The following RAB27B variants were observed in gnomAD, a reference collection of about 807,000 sequenced individuals.
RAB27B encodes the protein RAB27B, member RAS oncogene family, also known as ras-related protein Rab-27B.
In RAB27B, 15 loss-of-function variants were observed where a neutral mutation model predicts 24.6. The ratio of observed to expected loss-of-function variants is 0.61; its 90% CI spans 0.41 to 0.94. The LOEUF (loss-of-function observed/expected upper bound fraction) is 0.94, where lower values mean the gene tolerates loss of function less well. RAB27B is among the 40% of genes least tolerant of loss of function. The pLI is 0.00. For synonymous variants in RAB27B, 105 were observed against 92.5 expected (o/e 1.14, Z -0.78); for missense variants, 261 against 266.8 (o/e 0.98, Z 0.15).
chr18:54,822,347 AAT>A (rs1424278911), intron 2 of RAB27B, among the ~76,000 whole-genome samples: 6 of 152,246 alleles, frequency 3.9e-5, no homozygotes, highest in African/African-American at 1.4e-4. Context: ...ATCATTCCTG[AAT>A]ATATGACATC....
chr18:54,802,749 G>T (rs1257464959), intron 2 of RAB27B, among the ~76,000 whole-genome samples: 1 of 152,158 alleles, frequency 6.6e-6, no homozygotes, highest in Non-Finnish European at 1.5e-5. Flanking sequence ...TGGCTAGAAT[G>T]GGGGACATTG....
At chr18:54,831,530 A>C (rs910524550) in intron 1 of RAB27B, among the ~76,000 whole-genome samples, 15 of 152,198 alleles carry the variant, frequency 9.9e-5, no homozygotes, top group African/African-American at 3.4e-4. Flanking sequence ...TGAGCATACT[A>C]TGAACTTTAA....
intron 4 of RAB27B, among the ~76,000 whole-genome samples, chr18:54,885,608 A>G (rs1359432661): frequency 6.6e-6 from 1 of 151,846 alleles, no homozygotes; most frequent in Non-Finnish European, 1.5e-5. Flanking sequence ...TGACCACTCC[A>G]TCTAAAATAG....
intron 1 of RAB27B, among the ~76,000 whole-genome samples, chr18:54,850,398 G>T (rs1281436541): frequency 7.5e-6 from 1 of 133,832 alleles, no homozygotes; most frequent in Non-Finnish European, 1.6e-5. Context: ...TTGAGACAGA[G>T]TCTCACTCTG....
chr18:54,871,590 G>A (rs745637656), intron 1 of RAB27B, among the ~76,000 whole-genome samples: 2 of 152,090 alleles, frequency 1.3e-5, no homozygotes, highest in Non-Finnish European at 2.9e-5. Context: ...TGAGCTTTCC[G>A]AAGTGTCTTA....
At chr18:54,743,660 A>G (rs764481953) in intron 2 of RAB27B, among the ~76,000 whole-genome samples, 4 of 152,194 alleles carry the variant, frequency 2.6e-5, no homozygotes, top group African/African-American at 4.8e-5. Flanking sequence ...AGGAAGAGCA[A>G]GAAGGTAAAT....
At chr18:54,839,955 C>T (rs969442528) in intron 1 of RAB27B, among the ~76,000 whole-genome samples, 1 of 152,066 alleles carries the variant, frequency 6.6e-6, no homozygotes, top group Non-Finnish European at 1.5e-5. Context: ...TGTCATGACA[C>T]CTTATTAAGG....
chr18:54,757,111 G>A (rs1488478943), intron 2 of RAB27B, among the ~76,000 whole-genome samples: 1 of 152,168 alleles, frequency 6.6e-6, no homozygotes. Context: ...TGGTTTCAGA[G>A]CAGGAGTAGG....
intron 2 of RAB27B, among the ~76,000 whole-genome samples, chr18:54,764,979 T>A (rs529855544): frequency 2.0e-5 from 3 of 152,284 alleles, no homozygotes; most frequent in South Asian, 4.1e-4. Flanking sequence ...GCTTCTTTTA[T>A]TCACAATCAT....
In RAB27B at chr18:54,895,419, G is replaced by A. The variant is rs1361054603; in HGVS notation, c.*6006G>A. On this transcript the variant is annotated 3_prime_UTR_variant, in exon 6 of 6. Coordinates refer to ENST00000262094, the MANE Select transcript of RAB27B (RefSeq NM_004163.4). ...GGCTTCAGAAATCATAGCATCCAAT[G>A]ATTTTTTGGTGTCTGGCTATGAATA... 1 of 152,064 alleles carries A rather than the reference G, an allele frequency of 6.6e-6. No homozygotes were observed. The highest frequency in any genetic ancestry group is 1.5e-5 in the Non-Finnish European group (1 of 67,992). 9.4% of individuals were successfully genotyped at this position (152,064 alleles called of 1,614,324 possible).
chr18:54,760,728 C>G (rs1908159588), intron 2 of RAB27B, among the ~76,000 whole-genome samples: 1 of 152,030 alleles, frequency 6.6e-6, no homozygotes, highest in Non-Finnish European at 1.5e-5. Context: ...AGGGGAAGAA[C>G]TTTAAGTGGG....
At chr18:54,718,251 A>C (rs1432973570) in intron 2 of RAB27B, 1 of 151,954 alleles carries the variant, frequency 6.6e-6, no homozygotes, top group Non-Finnish European at 1.5e-5. Context: ...TGCATATTTC[A>C]TTCATAAAGG....
At chr18:54,880,270 T>TA (rs1346434480) in intron 3 of RAB27B, 5 of 152,168 alleles carry the variant, frequency 3.3e-5, no homozygotes, top group African/African-American at 1.2e-4. Flanking sequence ...TAGACAGTAG[T>TA]GTTAATTCCT....
intron 2 of RAB27B, 46 bp from the exon 3 acceptor site, chr18:54,879,323 G>A (rs755320953): frequency 6.7e-7 from 1 of 1,483,282 alleles, no homozygotes; most frequent in East Asian, 2.3e-5. Context: ...TTTGAGTGCT[G>A]ACAAAATCCA....
At chr18:54,821,462 C>T (rs753687354) in intron 2 of RAB27B, among the ~76,000 whole-genome samples, 1 of 152,084 alleles carries the variant, frequency 6.6e-6, no homozygotes, top group South Asian at 2.1e-4. Flanking sequence ...CCATACTGCC[C>T]ACAATTTGAC....
intron 1 of RAB27B, among the ~76,000 whole-genome samples, chr18:54,844,936 G>C (rs1322769418): frequency 6.6e-6 from 1 of 152,100 alleles, no homozygotes; most frequent in Non-Finnish European, 1.5e-5. Flanking sequence ...GTTTAATAAA[G>C]TTTTTCATCA....
chr18:54,727,474 G>A (rs1408927258), intron 2 of RAB27B, among the ~76,000 whole-genome samples: 13 of 152,134 alleles, frequency 8.5e-5, no homozygotes, highest in Non-Finnish European at 1.5e-5. Flanking sequence ...AATAAGGGCA[G>A]GCAATTAAGG....
chr18:54,841,161 GT>G lies in RAB27B; in HGVS notation c.-20+12462del, dbSNP rs201419349. On this transcript the variant is annotated intron_variant, in intron 1 of 5. Transcript: ENST00000262094. ...GACTCTGTCTTTGGGTGGCGGGGCG[GT>G]GGGGGGTTTGGTGAGAGGGGCGGGA... 1.1e-3 allele frequency among the ~76,000 whole-genome samples: 134 copies of G among 124,970 alleles called. 13 individuals are homozygous for G. The East Asian group carries it at 0.014, about 13-fold the overall frequency. The allele number at this position is 124,970 out of a possible 152,430, so 82.0% of individuals were successfully genotyped here.
chr18:54,883,972 A>G (rs1913027562), intron 3 of RAB27B, among the ~76,000 whole-genome samples: 1 of 152,176 alleles, frequency 6.6e-6, no homozygotes, highest in South Asian at 2.1e-4. Flanking sequence ...AAAGATGGAA[A>G]GTATAGGTTA....
Sources: allele counts gnomAD v4.1 joint callset (sites outside exome capture counted in the v4.1 genomes callset), GRCh38; gene constraint gnomAD v4.1.1; transcripts MANE v1.5; gene names NCBI Gene and HGNC (gene_info 2026-07-23, HGNC 2026-07-21).